The following EIF4G3 variants were observed in gnomAD, a reference collection of about 807,000 sequenced individuals.
EIF4G3 encodes the protein eIF-4-gamma 3.
A neutral mutation model predicts 186.4 loss-of-function variants in EIF4G3; 34 were observed. That is an observed-to-expected ratio of 0.18 (90% CI 0.14 to 0.24). The LOEUF is 0.24. EIF4G3 is among the 10% of genes least tolerant of loss of function. The pLI is 1.00. For missense variants in EIF4G3, 1,536 were observed against 1,948.5 expected (o/e 0.79, Z 3.99); for synonymous variants, 673 against 679.5 (o/e 0.99, Z 0.15).
chr1:21,007,264 G>A (rs1334623724), intron 4 of EIF4G3, among the ~76,000 whole-genome samples: 1 of 151,844 alleles, frequency 6.6e-6, no homozygotes, highest in Non-Finnish European at 1.5e-5. Flanking sequence ...TGGGTGTGGT[G>A]GTGGGCACCT....
chr1:20,954,120 C>A lies in EIF4G3; in HGVS notation c.715-4009G>T, dbSNP rs549667335. On this transcript the variant is annotated intron_variant, in intron 12 of 36. Transcript: ENST00000602326. ...TATAAGCAAAGAGTTGATTTACTGT[C>A]ATCATAAGAATCCCATTCAATGACT... 3.3e-5 allele frequency among the ~76,000 whole-genome samples: 5 copies of A among 152,318 alleles called. No homozygotes were observed. The East Asian group carries it at 9.6e-4, about 29-fold the overall frequency.
At chr1:21,109,874 G>A (rs1046740220) in intron 2 of EIF4G3, among the ~76,000 whole-genome samples, 2 of 151,750 alleles carry the variant, frequency 1.3e-5, no homozygotes, top group Non-Finnish European at 2.9e-5. Context: ...AACCTCCCCC[G>A]TCTAGGTTCA....
intron 12 of EIF4G3, among the ~76,000 whole-genome samples, chr1:20,959,815 T>C (rs976353710): frequency 5.9e-5 from 9 of 151,958 alleles, no homozygotes; most frequent in Non-Finnish European, 1.2e-4. Flanking sequence ...GAAATGCAAA[T>C]TGAAACCACA....
At chr1:20,991,322 C>G (rs1399142169) in intron 7 of EIF4G3, among the ~76,000 whole-genome samples, 1 of 152,140 alleles carries the variant, frequency 6.6e-6, no homozygotes, top group Non-Finnish European at 1.5e-5. Flanking sequence ...AAACCCAGCA[C>G]TTTGGGAGGC....
chr1:21,162,875 G>C (rs900137351), intron 2 of EIF4G3, among the ~76,000 whole-genome samples: 4 of 152,202 alleles, frequency 2.6e-5, no homozygotes, highest in Admixed American at 6.5e-5. Context: ...TCTATTAGTA[G>C]GTCACTGGTC....
intron 2 of EIF4G3, among the ~76,000 whole-genome samples, chr1:21,127,660 AAAC>A (rs1001307591): frequency 6.6e-6 from 1 of 152,208 alleles, no homozygotes; most frequent in African/African-American, 2.4e-5. Flanking sequence ...TCTGGGATTC[AAAC>A]AACAACTATC....
intron 3 of EIF4G3, among the ~76,000 whole-genome samples, chr1:21,077,126 GGGCA>G (rs1382140667): frequency 5.3e-5 from 8 of 152,272 alleles, no homozygotes; most frequent in African/African-American, 1.9e-4. Flanking sequence ...ATTTAAAAAT[GGGCA>G]GGCAGTGATC....
intron 2 of EIF4G3, among the ~76,000 whole-genome samples, chr1:21,147,070 G>C (rs2097455680): frequency 6.6e-6 from 1 of 151,684 alleles, no homozygotes; most frequent in African/African-American, 2.4e-5. Flanking sequence ...AGACCAGCCT[G>C]GCCAACATAC....
chr1:20,877,132 A>T (rs541125307), intron 20 of EIF4G3, among the ~76,000 whole-genome samples: 1 of 152,346 alleles, frequency 6.6e-6, no homozygotes, highest in Admixed American at 6.5e-5. Flanking sequence ...CTCCTCCATT[A>T]AACTACCTAA....
chr1:21,148,897 T>C (rs1467637492), intron 2 of EIF4G3, among the ~76,000 whole-genome samples: 2 of 151,912 alleles, frequency 1.3e-5, no homozygotes, highest in African/African-American at 2.4e-5. Flanking sequence ...TATCTAATAC[T>C]ATAAAGCCAT....
intron 4 of EIF4G3, among the ~76,000 whole-genome samples, chr1:21,018,238 G>T (rs2089758812): frequency 6.6e-6 from 1 of 152,124 alleles, no homozygotes; most frequent in African/African-American, 2.4e-5. Context: ...GGGCCAATGT[G>T]CCCAGTCAAA....
chr1:20,898,117 T>C (rs1158707221), intron 16 of EIF4G3, among the ~76,000 whole-genome samples: 1 of 151,936 alleles, frequency 6.6e-6, no homozygotes, highest in Non-Finnish European at 1.5e-5. Context: ...GTACACTGAG[T>C]CCTAGGGTTT....
chr1:20,943,630 AC>A (rs909278635), intron 13 of EIF4G3, among the ~76,000 whole-genome samples: 4 of 152,210 alleles, frequency 2.6e-5, no homozygotes, highest in Non-Finnish European at 4.4e-5. Flanking sequence ...TTAAAAGACA[AC>A]CTAAACTGAG....
intron 13 of EIF4G3, among the ~76,000 whole-genome samples, chr1:20,944,807 G>T (rs1472157200): frequency 6.7e-6 from 1 of 149,842 alleles, no homozygotes; most frequent in Non-Finnish European, 1.5e-5. Flanking sequence ...GGCCAAGGGG[G>T]AGGATCACTT....
chr1:21,052,536 GCTCCCTCCTCTCCCT>G (rs893135316), intron 3 of EIF4G3, among the ~76,000 whole-genome samples: 18 of 151,692 alleles, frequency 1.2e-4, no homozygotes, highest in African/African-American at 2.2e-4. Flanking sequence ...CAAATTCCTA[GCTCCCTCCTCTCCCT>G]CTCCCTCCTC....
chr1:20,943,971 T>TGTGTGTGTGTG (rs1558362961), intron 13 of EIF4G3, among the ~76,000 whole-genome samples: 2 of 18,604 alleles, frequency 1.1e-4, no homozygotes, highest in African/African-American at 3.3e-4. Context: ...GTCTTTATTT[T>TGTGTGTGTGTG]TTTTGTGTGT....
chr1:21,082,662 G>A (rs2095825500), intron 3 of EIF4G3, among the ~76,000 whole-genome samples: 2 of 152,146 alleles, frequency 1.3e-5, no homozygotes, highest in Admixed American at 6.6e-5. Context: ...AGCACTTTGA[G>A]TGGCTGAGGT....
chr1:21,105,790 C>A (rs1396062138), intron 2 of EIF4G3, among the ~76,000 whole-genome samples: 1 of 152,118 alleles, frequency 6.6e-6, no homozygotes, highest in Non-Finnish European at 1.5e-5. Flanking sequence ...TGGTTGGGCA[C>A]AGAGACTCAC....
intron 19 of EIF4G3, among the ~76,000 whole-genome samples, chr1:20,882,465 C>A (rs1027721065): frequency 2.6e-5 from 4 of 151,514 alleles, no homozygotes; most frequent in African/African-American, 9.7e-5. Context: ...ACTAAAAATA[C>A]AAAAAATTAG....
Sources: gnomAD v4.1 joint callset for allele counts (sites outside exome capture counted in the v4.1 genomes callset) on GRCh38, gnomAD v4.1.1 for gene constraint, MANE v1.5 for transcripts, NCBI Gene and HGNC (gene_info 2026-07-23, HGNC 2026-07-21) for gene names.